The following UBR3 variants were observed in gnomAD, a reference collection of about 807,000 sequenced individuals.
The protein encoded by UBR3 is ubiquitin protein ligase E3 component n-recognin 3.
A neutral mutation model predicts 243.2 loss-of-function variants in UBR3; 85 were observed. The ratio of observed to expected loss-of-function variants is 0.35; its 90% CI spans 0.29 to 0.42. UBR3 has a LOEUF of 0.42. Ranked by LOEUF, UBR3 falls within the 10% of genes least tolerant of loss-of-function variation. The pLI, the probability that UBR3 is intolerant of heterozygous loss-of-function variation, is 1.00. For missense variants in UBR3, 1,686 were observed against 2,300.8 expected (o/e 0.73, Z 5.47); for synonymous variants, 748 against 799.8 (o/e 0.94, Z 1.09).
intron 8 of UBR3, among the ~76,000 whole-genome samples, chr2:169,901,810 G>A (rs2084833400): frequency 6.6e-6 from 1 of 152,056 alleles, no homozygotes; most frequent in African/African-American, 2.4e-5. Flanking sequence ...AATTTTTCAT[G>A]TCCCAGAAAT....
chr2:170,060,247 A>G (rs981750993), intron 33 of UBR3, among the ~76,000 whole-genome samples: 1 of 152,134 alleles, frequency 6.6e-6, no homozygotes, highest in Non-Finnish European at 1.5e-5. Context: ...ATTTCAGTGA[A>G]TATAAAAAGA....
Position 169,853,597 on chromosome 2 carries a change from C to T in UBR3, c.546-18639C>T, listed in dbSNP as rs548579155. 1.1e-4 allele frequency among the ~76,000 whole-genome samples: 16 copies of T among 151,932 alleles called. 1 individual carries two copies. The South Asian group carries it at 3.3e-3, about 32-fold the overall frequency. On this transcript the variant is annotated intron_variant, in intron 1 of 38. Coordinates refer to ENST00000272793, the MANE Select transcript of UBR3 (RefSeq NM_172070.4). ...TCCTGAGTCACTGGGACTACAGGTG[C>T]GTATCACCACACCTGGCTATTTTTG...
chr2:170,043,209 C>A (rs1531430), intron 32 of UBR3, among the ~76,000 whole-genome samples: 148,746 of 152,262 alleles, frequency 0.98, 72,743 homozygotes, highest in East Asian at 1. Flanking sequence ...GATTGTCTCT[C>A]TGTCACTATT....
intron 11 of UBR3, among the ~76,000 whole-genome samples, chr2:169,919,907 C>A (rs1398889704): frequency 5.9e-5 from 9 of 152,126 alleles, no homozygotes; most frequent in Admixed American, 5.9e-4. Context: ...TGTGGCGATT[C>A]CTCAGGGATC....
At chr2:169,945,352 A>G (rs2086748151) in intron 20 of UBR3, among the ~76,000 whole-genome samples, 1 of 152,256 alleles carries the variant, frequency 6.6e-6, no homozygotes, top group Admixed American at 6.5e-5. Flanking sequence ...TGAATATAGA[A>G]GCCCTCTGAA....
At position 170,067,587 on chromosome 2, in the gene UBR3, A is replaced by G. The variant is rs181779395; in HGVS notation, c.5020-5841A>G. Among the ~76,000 whole-genome samples, 32 of 152,284 alleles carry G rather than the reference A, an allele frequency of 2.1e-4. No homozygotes were observed. The East Asian group carries it at 5.2e-3, about 25-fold the overall frequency. ...TACAACTACACATGGAATATCGTTC[A>G]TTAGAATAAACCATGTGTCAAGCCG... On this transcript the variant is annotated intron_variant, in intron 35 of 38. Transcript: ENST00000272793.
intron 35 of UBR3, among the ~76,000 whole-genome samples, chr2:170,062,384 C>T (rs1001462319): frequency 3.9e-5 from 6 of 152,126 alleles, no homozygotes; most frequent in African/African-American, 1.2e-4. Context: ...CAGAATTAAG[C>T]AGTTTTGTGT....
intron 1 of UBR3, among the ~76,000 whole-genome samples, chr2:169,829,820 C>T (rs972342474): frequency 8.1e-5 from 4 of 49,428 alleles, no homozygotes; most frequent in Non-Finnish European, 1.5e-4. Context: ...AAAGTACACA[C>T]ACACACACAC....
At chr2:170,077,559 C>T in intron 36 of UBR3, 1 of 636,444 alleles carries the variant, frequency 1.6e-6, no homozygotes, top group Non-Finnish European at 2.7e-6. Flanking sequence ...TAGTAACCAT[C>T]CTCCTCTATG....
chr2:170,075,673 T>A (rs1457818763), intron 36 of UBR3, among the ~76,000 whole-genome samples: 1 of 152,142 alleles, frequency 6.6e-6, no homozygotes, highest in Admixed American at 6.5e-5. Flanking sequence ...ACTCTTGTGT[T>A]CCTAACCCTG....
In UBR3 at chr2:170,051,145, C is replaced by G. The variant is rs147400357; in HGVS notation, c.4661-4315C>G. 2.4e-3 allele frequency among the ~76,000 whole-genome samples: 360 copies of G among 150,930 alleles called. 1 individual carries two copies. Among genetic ancestry groups the G allele is most frequent in the African/African-American group, 8.3e-3 (340 of 41,172 alleles). ...GACACAACCATCTATTTTTTTTTTCCAAATACTTTTGAGCCATGATTGGCT... is the reference window on the plus strand; with the variant it reads ...GACACAACCATCTATTTTTTTTTTCGAAATACTTTTGAGCCATGATTGGCT... On this transcript the variant is annotated intron_variant, in intron 32 of 38. Transcript: ENST00000272793.
chr2:169,978,267 TG>T (rs1333262931), intron 24 of UBR3, among the ~76,000 whole-genome samples: 2 of 152,150 alleles, frequency 1.3e-5, no homozygotes, highest in Non-Finnish European at 2.9e-5. Flanking sequence ...GTAGCAGCGC[TG>T]GGTTCCAGGT....
chr2:169,967,961 G>C (rs1313959912), intron 24 of UBR3, among the ~76,000 whole-genome samples: 1 of 151,304 alleles, frequency 6.6e-6, no homozygotes, highest in Non-Finnish European at 1.5e-5. Flanking sequence ...CCTTTCTTAG[G>C]TAACACATAT....
intron 35 of UBR3, among the ~76,000 whole-genome samples, chr2:170,065,444 A>G (rs1214571170): frequency 6.6e-6 from 1 of 151,766 alleles, no homozygotes; most frequent in African/African-American, 2.4e-5. Context: ...GCACCACCGC[A>G]CCCGACTAGT....
At chr2:169,850,179 T>C (rs1167366435) in intron 1 of UBR3, among the ~76,000 whole-genome samples, 2 of 142,994 alleles carry the variant, frequency 1.4e-5, no homozygotes, top group Non-Finnish European at 3.1e-5. Flanking sequence ...AGCTTTTTTT[T>C]TTTTTTTTTT....
chr2:170,018,226 G>A (rs759595589), intron 30 of UBR3, among the ~76,000 whole-genome samples: 3 of 151,992 alleles, frequency 2.0e-5, no homozygotes, highest in African/African-American at 4.8e-5. Flanking sequence ...GCCTTTCACC[G>A]TGAATCCTTT....
At chr2:169,977,280 G>A (rs1391207465) in intron 24 of UBR3, among the ~76,000 whole-genome samples, 1 of 152,114 alleles carries the variant, frequency 6.6e-6, no homozygotes, top group Admixed American at 6.6e-5. Flanking sequence ...TCTATATTAG[G>A]TTTTTCCAGA....
chr2:169,896,756 C>T (rs1469717511), intron 8 of UBR3, 21 bp downstream of exon 8: 1 of 1,493,948 alleles, frequency 6.7e-7, no homozygotes, highest in Non-Finnish European at 9.1e-7. Context: ...ATTATATTCA[C>T]TAGTTCTATT....
intron 4 of UBR3, 137 bp from the exon 5 acceptor site, chr2:169,878,388 G>T: frequency 1.4e-6 from 1 of 724,100 alleles, no homozygotes; most frequent in South Asian, 2.1e-5. Context: ...GTTGGACTTT[G>T]CCAAGATAAC....
Sources: allele counts gnomAD v4.1 joint callset (sites outside exome capture counted in the v4.1 genomes callset), GRCh38; gene constraint gnomAD v4.1.1; transcripts MANE v1.5; gene names NCBI Gene and HGNC (gene_info 2026-07-23, HGNC 2026-07-21).